CHRNA7: variants seen among roughly 807,000 people sequenced by gnomAD.
CHRNA7 encodes neuronal acetylcholine receptor subunit alpha-7.
A neutral mutation model predicts 48.0 loss-of-function variants in CHRNA7; 17 were observed. The ratio of observed to expected loss-of-function variants is 0.35; its 90% CI spans 0.24 to 0.53. CHRNA7 has a LOEUF of 0.53. Among genes scored for constraint, CHRNA7 ranks in the 20% least tolerant of loss-of-function variants. The probability of loss-of-function intolerance (pLI) is 0.92; values close to 1 mark genes in which losing one functional copy is unlikely to be tolerated. For synonymous variants in CHRNA7, 75 were observed against 242.3 expected (o/e 0.31, Z 6.41); for missense variants, 155 against 577.7 (o/e 0.27, Z 7.50).
At position 32,051,705 on chromosome 15, in the gene CHRNA7, C is replaced by T. The variant is rs190952236; in HGVS notation, c.195+20668C>T. The stretch of plus-strand genomic sequence containing the variant: ...CTCCCTAGTGAGATGAACCTGGTAG[C>T]TCAGATAGAAATGCAGGAATCACCC... On this transcript the variant is annotated intron_variant, in intron 2 of 9. Coordinates refer to ENST00000306901, the MANE Select transcript of CHRNA7 (RefSeq NM_000746.6). Among the ~76,000 whole-genome samples the T allele has an allele frequency of 1.4e-4, 22 of 152,304 alleles. No individual in the cohort carries two copies. The East Asian group carries it at 3.9e-3, about 27-fold the overall frequency.
chr15:32,051,865 C>T (rs1461329433), intron 2 of CHRNA7, among the ~76,000 whole-genome samples: 1 of 152,090 alleles, frequency 6.6e-6, no homozygotes, highest in African/African-American at 2.4e-5. Context: ...TTAGTAGAGA[C>T]GGGGTTTCAA....
At chr15:32,144,303 C>G (rs1437734587) in intron 4 of CHRNA7, among the ~76,000 whole-genome samples, 1 of 152,166 alleles carries the variant, frequency 6.6e-6, no homozygotes, top group Non-Finnish European at 1.5e-5. Context: ...TGATGGGCTT[C>G]CCTTTGTGGG....
intron 2 of CHRNA7, 48 bp downstream of exon 2, chr15:32,031,085 C>T (rs200783326): frequency 2.5e-6 from 4 of 1,608,604 alleles, no homozygotes; most frequent in African/African-American, 1.3e-5. Context: ...TCCTGGGCTC[C>T]GAGGGGCTTT....
intron 3 of CHRNA7, among the ~76,000 whole-genome samples, chr15:32,103,832 A>G (rs1348263869): frequency 6.6e-6 from 1 of 152,214 alleles, no homozygotes; most frequent in African/African-American, 2.4e-5. Flanking sequence ...GGCTCAAACC[A>G]AAAACCTTGA....
chr15:32,032,506 C>A (rs1448704281), intron 2 of CHRNA7, among the ~76,000 whole-genome samples: 1 of 152,116 alleles, frequency 6.6e-6, no homozygotes, highest in African/African-American at 2.4e-5. Flanking sequence ...TTGAAGAGAC[C>A]TTAAAGCTAG....
At chr15:32,127,890 C>G (rs2051095554) in intron 4 of CHRNA7, among the ~76,000 whole-genome samples, 1 of 151,984 alleles carries the variant, frequency 6.6e-6, no homozygotes, top group South Asian at 2.1e-4. Flanking sequence ...AACTCATAGC[C>G]TAGAGTGCTG....
chr15:32,123,999 A>G (rs2051021485), intron 4 of CHRNA7, among the ~76,000 whole-genome samples: 1 of 150,898 alleles, frequency 6.6e-6, no homozygotes, highest in Non-Finnish European at 1.5e-5. Flanking sequence ...ACAAAAAACC[A>G]GAAAACAAAC....
Position 32,109,345 on chromosome 15 carries a change from C to T in CHRNA7, c.241-2445C>T, listed in dbSNP as rs149546398. On this transcript the variant is annotated intron_variant, in intron 3 of 9. Transcript: ENST00000306901. ...CATCTTGGTTTTGGTGGGATTCAGCCGGCTTCTTTACTGCAACCTGTTTTA... is the reference window on the plus strand; with the variant it reads ...CATCTTGGTTTTGGTGGGATTCAGCTGGCTTCTTTACTGCAACCTGTTTTA... 8.1e-3 allele frequency among the ~76,000 whole-genome samples: 1,237 copies of T among 152,260 alleles called. 8 individuals are homozygous for T. The highest frequency in any genetic ancestry group is 0.017 in the Middle Eastern group (5 of 292).
intron 4 of CHRNA7, among the ~76,000 whole-genome samples, chr15:32,135,152 G>A (rs1356711671): frequency 6.6e-6 from 1 of 152,234 alleles, no homozygotes; most frequent in Non-Finnish European, 1.5e-5. Flanking sequence ...CTGACAAGGA[G>A]GGCTGCTTCC....
intron 2 of CHRNA7, among the ~76,000 whole-genome samples, chr15:32,080,023 C>T (rs1375835781): frequency 6.6e-6 from 1 of 152,128 alleles, no homozygotes; most frequent in African/African-American, 2.4e-5. Flanking sequence ...TGATCTTCTA[C>T]ATACCTGACA....
At chr15:32,096,599 T>C (rs545124561) in intron 2 of CHRNA7, among the ~76,000 whole-genome samples, 35 of 152,204 alleles carry the variant, frequency 2.3e-4, no homozygotes, top group Admixed American at 4.6e-4. Flanking sequence ...TTAGGTCTAT[T>C]GTTATGTTTT....
At chr15:32,079,484 C>CA (rs2050183848) in intron 2 of CHRNA7, among the ~76,000 whole-genome samples, 2 of 152,200 alleles carry the variant, frequency 1.3e-5, no homozygotes, top group African/African-American at 4.8e-5. Flanking sequence ...ATGCAAGAGT[C>CA]ACAAACATTT....
chr15:32,033,565 T>C (rs1901944526), intron 2 of CHRNA7, among the ~76,000 whole-genome samples: 1 of 152,234 alleles, frequency 6.6e-6, no homozygotes, highest in South Asian at 2.1e-4. Context: ...TAATGTGACT[T>C]TCCTGAGATC....
chr15:32,047,796 T>C (rs938391320), intron 2 of CHRNA7, among the ~76,000 whole-genome samples: 1 of 152,236 alleles, frequency 6.6e-6, no homozygotes, highest in African/African-American at 2.4e-5. Flanking sequence ...AGCATGATAT[T>C]GACTGTGGGT....
At chr15:32,126,982 C>A (rs987864419) in intron 4 of CHRNA7, among the ~76,000 whole-genome samples, 2 of 152,134 alleles carry the variant, frequency 1.3e-5, no homozygotes, top group South Asian at 4.1e-4. Context: ...ATTCATGTAG[C>A]CACCAACAAA....
At chr15:32,156,109 C>T (rs911102876) in intron 5 of CHRNA7, 1 of 119,528 alleles carries the variant, frequency 8.4e-6, no homozygotes, top group African/African-American at 3.5e-5. Context: ...CCACAAAGAT[C>T]CCTTTTGCTT....
intron 2 of CHRNA7, among the ~76,000 whole-genome samples, chr15:32,032,902 A>C (rs1901912365): frequency 6.6e-6 from 1 of 152,242 alleles, no homozygotes; most frequent in Non-Finnish European, 1.5e-5. Context: ...TTAAGAAACC[A>C]AGTTATTATG....
chr15:32,045,368 A>C (rs1319465303), intron 2 of CHRNA7, among the ~76,000 whole-genome samples: 2 of 152,132 alleles, frequency 1.3e-5, no homozygotes, highest in Non-Finnish European at 2.9e-5. Context: ...GCTTCTGACA[A>C]CAGCCACCCC....
At chr15:32,072,425 A>G (rs947922283) in intron 2 of CHRNA7, among the ~76,000 whole-genome samples, 1 of 152,126 alleles carries the variant, frequency 6.6e-6, no homozygotes, top group Non-Finnish European at 1.5e-5. Flanking sequence ...AAGCATTTTC[A>G]GGAGAGGACA....
Sources: allele counts gnomAD v4.1 joint callset (sites outside exome capture counted in the v4.1 genomes callset), GRCh38; gene constraint gnomAD v4.1.1; transcripts MANE v1.5; gene names NCBI Gene and HGNC (gene_info 2026-07-23, HGNC 2026-07-21).